ZNF138: variants seen among roughly 807,000 people sequenced by gnomAD.
ZNF138 encodes zinc finger protein 138 (clone pHZ-32).
A neutral mutation model predicts 33.0 loss-of-function variants in ZNF138; 33 were observed. The ratio of observed to expected loss-of-function variants is 1.00; its 90% CI spans 0.76 to 1.34. ZNF138 has a LOEUF of 1.34. Among genes scored for constraint, ZNF138 ranks in the 40% most tolerant of loss-of-function variants. The pLI is 0.00. For missense variants in ZNF138, 360 were observed against 370.8 expected (o/e 0.97, Z 0.24); for synonymous variants, 139 against 120.4 (o/e 1.15, Z -1.01).
At position 64,832,231 on chromosome 7, in the gene ZNF138, C is replaced by G. The variant is rs781151303; in HGVS notation, c.*29C>G. 1.4e-4 allele frequency: 230 copies of G among 1,602,604 alleles called. No homozygotes were observed. The highest frequency in any genetic ancestry group is 1.8e-4 in the Non-Finnish European group (214 of 1,176,672). ...CTTACTGAACATAAGAAAATTTACA[C>G]TAGAGAGAAAGCCTACAAATGTGAA... On this transcript the variant is annotated 3_prime_UTR_variant, in exon 4 of 4. Coordinates refer to ENST00000307355, the MANE Select transcript of ZNF138 (RefSeq NM_001271639.2).
At chr7:64,839,743 G>T in the ZNF138 span, among the ~76,000 whole-genome samples, 1 of 152,130 alleles carries the variant, frequency 6.6e-6, no homozygotes, top group African/African-American at 2.4e-5. Context: ...GGCCTGATCC[G>T]ACCAGGAGGG....
chr7:64,799,423 A>G (rs936437618), intron 1 of ZNF138, among the ~76,000 whole-genome samples: 4 of 152,064 alleles, frequency 2.6e-5, no homozygotes, highest in Non-Finnish European at 5.9e-5. Flanking sequence ...TCTGCCTCCC[A>G]AAGTGCTGGG....
Position 64,832,810 on chromosome 7 carries a change from A to T in ZNF138, c.*608A>T. On this transcript the variant is annotated 3_prime_UTR_variant, in exon 4 of 4. Coordinates refer to ENST00000307355, the MANE Select transcript of ZNF138 (RefSeq NM_001271639.2). Reference sequence around the variant, plus strand: ...CTCTCAAACCTTACTAAACACAAGAAGATTCATACTAGAGAGAAACCCTAC... The same window carrying T: ...CTCTCAAACCTTACTAAACACAAGATGATTCATACTAGAGAGAAACCCTAC... 1 of 445,910 alleles carries T rather than the reference A, an allele frequency of 2.2e-6. No homozygotes were observed. 27.6% of individuals were successfully genotyped at this position (445,910 alleles called of 1,614,324 possible).
At chr7:64,842,027 T>C in the ZNF138 span, among the ~76,000 whole-genome samples, 1 of 152,214 alleles carries the variant, frequency 6.6e-6, no homozygotes, top group Non-Finnish European at 1.5e-5. Context: ...TGGTGAGGAA[T>C]TTTAAATTTA....
At chr7:64,824,895 C>T (rs1789448750) in intron 3 of ZNF138, among the ~76,000 whole-genome samples, 1 of 151,556 alleles carries the variant, frequency 6.6e-6, no homozygotes, top group Admixed American at 6.6e-5. Flanking sequence ...TACAGTCTTG[C>T]TCTGTCACCC....
downstream of ZNF138, chr7:64,836,936 G>C (rs930069870): frequency 4.6e-5 from 7 of 152,238 alleles, no homozygotes; most frequent in Admixed American, 1.3e-4. Context: ...GAGTCTGAGA[G>C]GGGGCTTGTC....
intron 1 of ZNF138, among the ~76,000 whole-genome samples, chr7:64,806,541 G>C (rs1467343412): frequency 2.0e-5 from 3 of 151,552 alleles, no homozygotes; most frequent in Admixed American, 2.0e-4. Flanking sequence ...TAAATTTGCA[G>C]CTCCAAACTC....
At chr7:64,808,668 T>C (rs1325539066) in intron 1 of ZNF138, among the ~76,000 whole-genome samples, 3 of 149,634 alleles carry the variant, frequency 2.0e-5, no homozygotes, top group Non-Finnish European at 4.5e-5. Context: ...CATAGGACAA[T>C]AGTGGAGGGA....
At chr7:64,824,308 A>C (rs997980845) in intron 3 of ZNF138, among the ~76,000 whole-genome samples, 2 of 152,202 alleles carry the variant, frequency 1.3e-5, no homozygotes, top group Admixed American at 1.3e-4. Context: ...TCACATGTCC[A>C]GTTACTCTTT....
the ZNF138 span, among the ~76,000 whole-genome samples, chr7:64,848,308 C>A: frequency 0.48 from 72,092 of 151,738 alleles, 17,384 homozygotes; most frequent in African/African-American, 0.54. Flanking sequence ...CACTTAAAAT[C>A]ATTCCAAACT....
Position 64,814,992 on chromosome 7 carries a change from G to T in ZNF138, c.78G>T (p.Arg26=). 1.2e-6 allele frequency: 2 copies of T among 1,613,164 alleles called. No homozygotes were observed. The highest frequency in any genetic ancestry group is 1.7e-6 in the Non-Finnish European group (2 of 1,179,446). Residue 26 remains arginine, a synonymous_variant, in exon 2 of 4, where the codon CGG becomes CGT. Coordinates refer to ENST00000307355, the MANE Select transcript of ZNF138 (RefSeq NM_001271639.2). ...GGCAGTGCCTGGACACTGCACAGCG[G>T]AATGTATATAGGCATGTGATGTTAG... ...EEWQCLDTAQ[R]NVYRHVMLEN...
chr7:64,809,287 A>G (rs1191531738), intron 1 of ZNF138, among the ~76,000 whole-genome samples: 347 of 7,266 alleles, frequency 0.048, 158 homozygotes, highest in South Asian at 0.093. Context: ...TCCCTCCCGG[A>G]CGGGGCGGCT....
intron 1 of ZNF138, among the ~76,000 whole-genome samples, chr7:64,813,145 T>C (rs1015752552): frequency 4.6e-5 from 7 of 152,120 alleles, no homozygotes; most frequent in Non-Finnish European, 7.4e-5. Flanking sequence ...AAATGTTCCA[T>C]TTGTGGAAAG....
chr7:64,798,471 C>G (rs1786871631), intron 1 of ZNF138, among the ~76,000 whole-genome samples: 1 of 152,224 alleles, frequency 6.6e-6, no homozygotes, highest in African/African-American at 2.4e-5. Flanking sequence ...ATAGTGCTAG[C>G]TAGTTATTCC....
At chr7:64,839,247 T>C in the ZNF138 span, among the ~76,000 whole-genome samples, 149,915 of 152,316 alleles carry the variant, frequency 0.98, 73,814 homozygotes, top group East Asian at 1. Flanking sequence ...GAAAATTAGT[T>C]GCTTTCGTTT....
chr7:64,847,332 A>ATTTTTTTT, the ZNF138 span, among the ~76,000 whole-genome samples: 6 of 128,140 alleles, frequency 4.7e-5, no homozygotes, highest in Admixed American at 1.7e-4. Flanking sequence ...ATATATATAT[A>ATTTTTTTT]TTTTTTTTTT....
chr7:64,847,329 TA>T, the ZNF138 span, among the ~76,000 whole-genome samples: 5 of 115,576 alleles, frequency 4.3e-5, no homozygotes, highest in African/African-American at 1.6e-4. Flanking sequence ...TATATATATA[TA>T]TATTTTTTTT....
At chr7:64,823,543 C>T (rs1020614645) in intron 3 of ZNF138, among the ~76,000 whole-genome samples, 12 of 152,140 alleles carry the variant, frequency 7.9e-5, no homozygotes, top group African/African-American at 2.9e-4. Flanking sequence ...ACTATGTTGC[C>T]CAGGCTGGTC....
intron 1 of ZNF138, among the ~76,000 whole-genome samples, chr7:64,795,307 G>A (rs1476345190): frequency 6.6e-6 from 1 of 152,034 alleles, no homozygotes; most frequent in Admixed American, 6.6e-5. Flanking sequence ...CAGTCTAATT[G>A]CCTGCCACTT....
Sources: gnomAD v4.1 joint callset for allele counts (sites outside exome capture counted in the v4.1 genomes callset) on GRCh38, gnomAD v4.1.1 for gene constraint, MANE v1.5 for transcripts, NCBI Gene and HGNC (gene_info 2026-07-23, HGNC 2026-07-21) for gene names.